Variants in CTCF observed in about 807,000 individuals in gnomAD.
CTCF encodes transcriptional repressor CTCF.
A neutral mutation model predicts 72.3 loss-of-function variants in CTCF; 7 were observed. The observed-to-expected ratio is 0.10, with a 90% CI of 0.06 to 0.18. CTCF has a LOEUF of 0.18. CTCF is among the 10% of genes least tolerant of loss of function. The pLI is 1.00. For synonymous variants in CTCF, 374 were observed against 315.8 expected (o/e 1.18, Z -1.95); for missense variants, 516 against 949.1 (o/e 0.54, Z 6.00).
At chr16:67,618,559 G>A (rs2052162835) in intron 5 of CTCF, among the ~76,000 whole-genome samples, 1 of 152,090 alleles carries the variant, frequency 6.6e-6, no homozygotes, top group African/African-American at 2.4e-5. Flanking sequence ...CTAGCTAATC[G>A]AATAAAGCAA....
intron 2 of CTCF, among the ~76,000 whole-genome samples, chr16:67,583,449 G>A (rs1461880306): frequency 6.6e-6 from 1 of 152,038 alleles, no homozygotes; most frequent in Non-Finnish European, 1.5e-5. Context: ...CACCTTGGGA[G>A]GCTGAGGCAG....
chr16:67,633,365 C>G (rs1359188909), intron 10 of CTCF, among the ~76,000 whole-genome samples: 1 of 152,148 alleles, frequency 6.6e-6, no homozygotes, highest in Admixed American at 6.5e-5. Flanking sequence ...AGATCTGAGA[C>G]TCAGCCTTGT....
At chr16:67,617,006 C>T in intron 5 of CTCF, 128 bp downstream of exon 5, 1 of 867,476 alleles carries the variant, frequency 1.2e-6, no homozygotes, top group Non-Finnish European at 1.8e-6. Context: ...ATTAACACTC[C>T]CACACAACAC....
intron 11 of CTCF, 46 bp downstream of exon 11, chr16:67,636,897 A>G (rs761039497): frequency 7.0e-7 from 1 of 1,429,250 alleles, no homozygotes; most frequent in Admixed American, 2.4e-5. Context: ...TTCTCCGAGC[A>G]TGTGGGGGAG....
chr16:67,569,687 C>CTT lies in CTCF; in HGVS notation c.-126-1449_-126-1448dup, dbSNP rs879842564. 2.8e-5 allele frequency among the ~76,000 whole-genome samples: 4 copies of CTT among 142,016 alleles called. No individual in the cohort carries two copies. In the East Asian group the frequency reaches 6.2e-4, roughly 22 times the overall value. 93.2% of individuals were successfully genotyped at this position (142,016 alleles called of 152,430 possible). A position where few individuals can be genotyped will look rare whatever the true frequency, so the allele number is the denominator to read the frequency against. Reference sequence around the variant, plus strand: ...AGTAAAAGCTCCTTTTGCCAGTTATCTTTTTTTTTTTTTAATGAGACGGAG... The same window carrying CTT: ...AGTAAAAGCTCCTTTTGCCAGTTATCTTTTTTTTTTTTTTTAATGAGACGGAG... On this transcript the variant is annotated intron_variant, in intron 1 of 11. Coordinates refer to ENST00000264010, the MANE Select transcript of CTCF (RefSeq NM_006565.4).
chr16:67,616,514 G>C, intron 4 of CTCF: 1 of 492,180 alleles, frequency 2.0e-6, no homozygotes, highest in East Asian at 3.1e-5. Flanking sequence ...GATTCAGATG[G>C]GTAATTAAGA....
chr16:67,612,187 C>A, intron 4 of CTCF, 66 bp downstream of exon 4: 1 of 1,435,928 alleles, frequency 7.0e-7, no homozygotes, highest in Non-Finnish European at 9.5e-7. Flanking sequence ...AGTATTCATT[C>A]AAGCTGACTC....
chr16:67,635,835 A>T (rs1479835569), intron 10 of CTCF, among the ~76,000 whole-genome samples: 1 of 151,914 alleles, frequency 6.6e-6, no homozygotes, highest in African/African-American at 2.4e-5. Flanking sequence ...TATGTTACCC[A>T]AGCTGGTCTT....
At chr16:67,599,141 A>T (rs1393309721) in intron 2 of CTCF, among the ~76,000 whole-genome samples, 1 of 152,206 alleles carries the variant, frequency 6.6e-6, no homozygotes, top group African/African-American at 2.4e-5. Flanking sequence ...TCACGCCTGT[A>T]ATCCCAGCAC....
chr16:67,591,828 A>T (rs2051748148), intron 2 of CTCF, among the ~76,000 whole-genome samples: 1 of 152,062 alleles, frequency 6.6e-6, no homozygotes, highest in South Asian at 2.1e-4. Context: ...CTCCCGCCTC[A>T]GTCCCGAGTA....
At chr16:67,604,752 GTTTT>G (rs1242814743) in intron 2 of CTCF, among the ~76,000 whole-genome samples, 2 of 98,930 alleles carry the variant, frequency 2.0e-5, no homozygotes, top group African/African-American at 1.0e-4. Context: ...TTTGTTTTTT[GTTTT>G]TTTTTTTTAC....
At chr16:67,603,917 C>T (rs767859792) in intron 2 of CTCF, among the ~76,000 whole-genome samples, 1 of 151,318 alleles carries the variant, frequency 6.6e-6, no homozygotes, top group Non-Finnish European at 1.5e-5. Flanking sequence ...TGACTTGAGC[C>T]CAGGAGTTCG....
At chr16:67,616,687 C>G in intron 4 of CTCF, 58 bp from the exon 5 acceptor site, 1 of 1,595,740 alleles carries the variant, frequency 6.3e-7, no homozygotes, top group South Asian at 1.1e-5. Context: ...ACACATTGAA[C>G]TCTGTCATTA....
intron 2 of CTCF, among the ~76,000 whole-genome samples, chr16:67,582,826 A>G (rs968099357): frequency 1.3e-5 from 2 of 151,722 alleles, no homozygotes; most frequent in Non-Finnish European, 2.9e-5. Context: ...TAAGTGGTAG[A>G]TATTTGCTGG....
chr16:67,634,516 C>CTTT lies in CTCF; in HGVS notation c.1838-2155_1838-2153dup, dbSNP rs35780985. ...AGCCACCATGCCCAGCCTAAATGGG[C>CTTT]TTTTTTTTTTTTTTTTTTTTTACAC... On this transcript the variant is annotated intron_variant, in intron 10 of 11. Coordinates refer to ENST00000264010, the MANE Select transcript of CTCF (RefSeq NM_006565.4). 9.2e-4 allele frequency among the ~76,000 whole-genome samples: 96 copies of CTTT among 104,124 alleles called. 2 individuals carry two copies. The highest frequency in any genetic ancestry group is 1.0e-3 in the Non-Finnish European group (56 of 53,526). The allele number at this position is 104,124 out of a possible 152,430, so 68.3% of individuals were successfully genotyped here. A position where few individuals can be genotyped will look rare whatever the true frequency, so the allele number is the denominator to read the frequency against.
chr16:67,628,916 T>A (rs930031325), intron 9 of CTCF, among the ~76,000 whole-genome samples: 30 of 152,012 alleles, frequency 2.0e-4, no homozygotes, highest in African/African-American at 7.2e-4. Flanking sequence ...AAAAATTAGC[T>A]GGGTGCGGTG....
chr16:67,574,163 A>G (rs2051463222), intron 2 of CTCF, among the ~76,000 whole-genome samples: 1 of 152,180 alleles, frequency 6.6e-6, no homozygotes, highest in Non-Finnish European at 1.5e-5. Context: ...TTTAGGGTTC[A>G]GTCCCATAAG....
At chr16:67,625,689 T>C (rs1173987092) in intron 7 of CTCF, among the ~76,000 whole-genome samples, 1 of 152,166 alleles carries the variant, frequency 6.6e-6, no homozygotes, top group African/African-American at 2.4e-5. Flanking sequence ...GATCTTTCTT[T>C]TGAGTTAGCC....
rs2052469429 is a variant in CTCF at position 67,638,997 on chromosome 16, GC to G, written c.*1127del. The G allele has an allele frequency of 4.9e-6, 1 of 203,042 alleles. No homozygotes were observed. The highest frequency in any genetic ancestry group is 2.3e-5 in the African/African-American group (1 of 43,588). The allele number at this position is 203,042 out of a possible 1,614,324, so 12.6% of individuals were successfully genotyped here. On this transcript the variant is annotated 3_prime_UTR_variant, in exon 12 of 12. Coordinates refer to ENST00000264010, the MANE Select transcript of CTCF (RefSeq NM_006565.4). ...TCTTCTGTGTATTGCTTTTAAGAGAGCCATCAGTTAGCTATCAGACTCTAGG... is the reference window on the plus strand; with the variant it reads ...TCTTCTGTGTATTGCTTTTAAGAGAGCATCAGTTAGCTATCAGACTCTAGG...
Sources: gnomAD v4.1 joint callset for allele counts (sites outside exome capture counted in the v4.1 genomes callset) on GRCh38, gnomAD v4.1.1 for gene constraint, MANE v1.5 for transcripts, NCBI Gene and HGNC (gene_info 2026-07-23, HGNC 2026-07-21) for gene names.